The following KCNN3 variants were observed in gnomAD, a reference collection of about 807,000 sequenced individuals.
The protein encoded by KCNN3 is potassium calcium-activated channel subfamily N member 3, also known as small conductance calcium-activated potassium channel protein 3.
KCNN3 carries 16 observed loss-of-function variants against 62.9 expected under a neutral mutation model. The ratio of observed to expected loss-of-function variants is 0.25; its 90% confidence interval spans 0.17 to 0.39. KCNN3 has a LOEUF of 0.39. Among genes scored for constraint, KCNN3 ranks in the 10% least tolerant of loss-of-function variants. The pLI, the probability that KCNN3 is intolerant of heterozygous loss-of-function variation, is 1.00. For missense variants in KCNN3, 599 were observed against 949.4 expected (o/e 0.63, Z 4.85); for synonymous variants, 370 against 389.2 (o/e 0.95, Z 0.58).
At chr1:154,722,440 T>G (rs541197614) in intron 5 of KCNN3, among the ~76,000 whole-genome samples, 1 of 145,436 alleles carries the variant, frequency 6.9e-6, no homozygotes, top group Non-Finnish European at 1.5e-5. Context: ...CAGGCTGGAG[T>G]GCAGTGGCAC....
chr1:154,734,498 C>T (rs187943284), intron 3 of KCNN3, among the ~76,000 whole-genome samples: 10 of 152,356 alleles, frequency 6.6e-5, no homozygotes, highest in East Asian at 5.8e-4. Flanking sequence ...TGGAAGGATT[C>T]GCTGCCGTCA....
intron 3 of KCNN3, among the ~76,000 whole-genome samples, chr1:154,747,035 C>T (rs897969934): frequency 5.9e-5 from 9 of 152,162 alleles, no homozygotes; most frequent in African/African-American, 1.9e-4. Context: ...CCTGCAACCC[C>T]GGCCCTCTTC....
intron 2 of KCNN3, among the ~76,000 whole-genome samples, chr1:154,791,329 C>A (rs1426431571): frequency 6.7e-6 from 1 of 148,252 alleles, no homozygotes; most frequent in Non-Finnish European, 1.5e-5. Context: ...AAACTGAGAG[C>A]TCTTGCAGAG....
rs575111668 is a variant in KCNN3 at position 154,869,636 on chromosome 1, G to T, written c.329C>A (p.Ala110Asp). 4.3e-6 allele frequency: 7 copies of T among 1,613,400 alleles called. No individual in the cohort carries two copies. Among genetic ancestry groups the T allele is most frequent in the Middle Eastern group, 1.6e-4 (1 of 6,062 alleles). ...LLHSSPTAFR[A>D]PPSSNSTAIL... ...GGCGGTGGAGTTGGACGAAGGGGGG[G>T]CCCTGAAAGCGGTGGGAGAGGAGTG... is the stretch of plus-strand genomic sequence containing the variant. The change falls in exon 1 of 8, where the codon GCC becomes GAC. Residue 110 changes from alanine to aspartate, a missense_variant. Transcript: ENST00000271915. This position sits in a 1 kb window ranked among gnomAD's most constrained non-coding sequence, Gnocchi z 6.1.
chr1:154,759,073 G>T (rs1195816579), intron 3 of KCNN3, among the ~76,000 whole-genome samples: 2 of 152,186 alleles, frequency 1.3e-5, no homozygotes, highest in African/African-American at 4.8e-5. Flanking sequence ...CTCCCAAAGT[G>T]CTGGGATTAC....
chr1:154,867,726 C>G (rs906188549), intron 1 of KCNN3, among the ~76,000 whole-genome samples: 3 of 149,710 alleles, frequency 2.0e-5, no homozygotes, highest in African/African-American at 7.4e-5. Context: ...AGCCACCCCC[C>G]CACCAAGCCA....
At chr1:154,786,667 G>C (rs79120771) in intron 2 of KCNN3, among the ~76,000 whole-genome samples, 1 of 152,190 alleles carries the variant, frequency 6.6e-6, no homozygotes, top group African/African-American at 2.4e-5. Flanking sequence ...CACAAAAGGT[G>C]CATTAATCAC....
At chr1:154,834,430 AG>A (rs1034680456) in intron 1 of KCNN3, among the ~76,000 whole-genome samples, 13 of 152,216 alleles carry the variant, frequency 8.5e-5, no homozygotes, top group Admixed American at 7.8e-4. Context: ...TCCATGGTCT[AG>A]GGGGGGTCAG....
chr1:154,766,416 T>TTA (rs373253800), intron 3 of KCNN3, among the ~76,000 whole-genome samples: 19,518 of 71,682 alleles, frequency 0.27, 3,939 homozygotes, highest in African/African-American at 0.35. Flanking sequence ...TAGCCAGGCT[T>TTA]TATATATATA....
Position 154,869,305 on chromosome 1 carries a change from G to A in KCNN3, c.660C>T (p.Val220=), listed in dbSNP as rs772893514. Residue 220 remains valine (V), a synonymous_variant, in exon 1 of 8, where the codon GTC becomes GTT. Coordinates refer to ENST00000271915, the MANE Select transcript of KCNN3 (RefSeq NM_002249.6). The surrounding 1 kb of genome is among the most constrained non-coding windows in gnomAD (Gnocchi z 6.1). ...CATGGTTGTCCTCCCGGGAGGAGAT[G>A]ACGATCTCCGGGGGGTTGCTAGGGC... ...LFSPSNPPEI[V]ISSREDNHAH... is the part of the protein sequence containing the mutation. The A allele has an allele frequency of 1.9e-6, 3 of 1,613,732 alleles. No homozygotes were observed. The highest frequency in any genetic ancestry group is 2.5e-6 in the Non-Finnish European group (3 of 1,179,692).
At chr1:154,714,064 GT>G (rs1700137538) in intron 6 of KCNN3, among the ~76,000 whole-genome samples, 2 of 15,226 alleles carry the variant, frequency 1.3e-4, no homozygotes, top group African/African-American at 5.5e-4. Context: ...GTGTGTGTGT[GT>G]GGTGTTTGTG....
intron 3 of KCNN3, among the ~76,000 whole-genome samples, chr1:154,739,437 T>C (rs1191772146): frequency 6.6e-6 from 1 of 152,164 alleles, no homozygotes; most frequent in Non-Finnish European, 1.5e-5. Flanking sequence ...TATCATTTCC[T>C]CGTTTTTCTT....
intron 5 of KCNN3, among the ~76,000 whole-genome samples, chr1:154,725,438 C>T (rs192002214): frequency 2.6e-5 from 4 of 152,024 alleles, no homozygotes; most frequent in East Asian, 1.9e-4. Flanking sequence ...AGGAACCCGG[C>T]GTATGAAGGT....
intron 3 of KCNN3, among the ~76,000 whole-genome samples, chr1:154,755,803 A>AGAG (rs1647647703): frequency 1.0e-5 from 1 of 99,102 alleles, no homozygotes; most frequent in African/African-American, 4.8e-5. Context: ...AGGAGGAGGA[A>AGAG]GAAGAAGAAG....
Position 154,759,500 on chromosome 1 carries a change from CCCCTCCA to C in KCNN3, c.1448+12468_1448+12474del, listed in dbSNP as rs1297152595. Reference sequence around the variant, plus strand: ...AACCCCTTCCTTTTCCTTACCTCAGCCCCTCCAAGGAGGTGGGTGGGGGAGCGGGTGA... The same window carrying C: ...AACCCCTTCCTTTTCCTTACCTCAGCAGGAGGTGGGTGGGGGAGCGGGTGA... On this transcript the variant is annotated intron_variant, in intron 3 of 7. Coordinates refer to ENST00000271915, the MANE Select transcript of KCNN3 (RefSeq NM_002249.6). Among the ~76,000 whole-genome samples, 4 of 152,324 alleles carry C rather than the reference CCCCTCCA, an allele frequency of 2.6e-5. No individual in the cohort carries two copies. In the East Asian group the frequency reaches 7.7e-4, roughly 29 times the overall value.
At chr1:154,823,914 T>G (rs1651003307) in intron 1 of KCNN3, among the ~76,000 whole-genome samples, 1 of 152,182 alleles carries the variant, frequency 6.6e-6, no homozygotes, top group South Asian at 2.1e-4. Flanking sequence ...TCGGCCCCAC[T>G]CTGTGTGCTG....
intron 3 of KCNN3, among the ~76,000 whole-genome samples, chr1:154,766,112 C>T (rs925946448): frequency 5.9e-5 from 9 of 151,974 alleles, no homozygotes; most frequent in Non-Finnish European, 7.4e-5. Context: ...TCTATCTCTC[C>T]GCCTGGCACC....
intron 1 of KCNN3, among the ~76,000 whole-genome samples, chr1:154,865,627 T>C (rs1221028643): frequency 3.3e-5 from 5 of 152,140 alleles, no homozygotes; most frequent in Admixed American, 6.5e-5. Flanking sequence ...CCCCCTCACA[T>C]TGGCTCCCAT....
chr1:154,738,940 T>C (rs114756908), intron 3 of KCNN3, among the ~76,000 whole-genome samples: 2,947 of 152,252 alleles, frequency 0.019, 99 homozygotes, highest in African/African-American at 0.066. Context: ...ACCAAAATTA[T>C]GATGTAATTA....
Sources: allele counts gnomAD v4.1 joint callset (sites outside exome capture counted in the v4.1 genomes callset), GRCh38; gene constraint gnomAD v4.1.1; non-coding constraint Gnocchi (gnomAD v3.1); transcripts MANE v1.5; gene names NCBI Gene and HGNC (gene_info 2026-07-23, HGNC 2026-07-21).